The following EMCN variants were observed in gnomAD, a reference collection of about 807,000 sequenced individuals.
EMCN encodes MUC-14.
A neutral mutation model predicts 38.4 loss-of-function variants in EMCN; 37 were observed. That is an observed-to-expected ratio of 0.96 (90% CI 0.74 to 1.27). EMCN has a LOEUF of 1.27. Ranked by LOEUF, EMCN falls within the 50% of genes most tolerant of loss-of-function variation. The pLI is 0.00. For synonymous variants in EMCN, 95 were observed against 100.8 expected (o/e 0.94, Z 0.35); for missense variants, 318 against 302.8 (o/e 1.05, Z -0.37).
chr4:100,448,499 G>A lies in EMCN; in HGVS notation c.377-928C>T, dbSNP rs905227356. On this transcript the variant is annotated intron_variant, in intron 4 of 11. Coordinates refer to ENST00000296420, the MANE Select transcript of EMCN (RefSeq NM_016242.4). ...AGTTGCACAAAACAAAACGTCAGTA[G>A]CCTGTCTTGAGTTGCCTATGTTTCT... is the stretch of plus-strand genomic sequence containing the variant. Among the ~76,000 whole-genome samples, 4 of 152,188 alleles carry A rather than the reference G, an allele frequency of 2.6e-5. No homozygotes were observed. The East Asian group carries it at 7.7e-4, about 29-fold the overall frequency.
At chr4:100,470,936 C>T (rs529190692) in intron 3 of EMCN, among the ~76,000 whole-genome samples, 78 of 151,836 alleles carry the variant, frequency 5.1e-4, no homozygotes, top group Non-Finnish European at 1.0e-3. Context: ...CCAAAATTTA[C>T]GGAATGCAGA....
At chr4:100,485,129 C>T (rs921324173) in intron 1 of EMCN, among the ~76,000 whole-genome samples, 1 of 151,896 alleles carries the variant, frequency 6.6e-6, no homozygotes, top group Non-Finnish European at 1.5e-5. Flanking sequence ...TGTCAAATGC[C>T]CTATTATTAG....
At chr4:100,443,404 G>A (rs1297628341) in intron 5 of EMCN, among the ~76,000 whole-genome samples, 1 of 152,204 alleles carries the variant, frequency 6.6e-6, no homozygotes, top group East Asian at 1.9e-4. Context: ...AGGCACAGTG[G>A]GGTAATCAAT....
intron 3 of EMCN, among the ~76,000 whole-genome samples, chr4:100,470,206 A>G (rs1013014267): frequency 3.3e-5 from 5 of 151,414 alleles, no homozygotes; most frequent in Non-Finnish European, 5.9e-5. Flanking sequence ...AAACAACCCC[A>G]TGCCCAATAA....
intron 5 of EMCN, among the ~76,000 whole-genome samples, chr4:100,438,707 T>C (rs1560614969): frequency 1.3e-5 from 2 of 152,046 alleles, no homozygotes; most frequent in Non-Finnish European, 2.9e-5. Context: ...ATTATAATTG[T>C]AGCTGTGGGT....
At chr4:100,484,859 A>G (rs976018664) in intron 1 of EMCN, among the ~76,000 whole-genome samples, 1 of 152,170 alleles carries the variant, frequency 6.6e-6, no homozygotes, top group Non-Finnish European at 1.5e-5. Flanking sequence ...AGCACCAATT[A>G]GTAAAAAAGT....
chr4:100,403,729 G>C (rs1177644694), intron 11 of EMCN, among the ~76,000 whole-genome samples: 1 of 151,976 alleles, frequency 6.6e-6, no homozygotes, highest in African/African-American at 2.4e-5. Flanking sequence ...AACCTGGCCA[G>C]CATCTGTGAC....
In EMCN at chr4:100,398,198, A is replaced by G. The variant is rs929208571; in HGVS notation, c.*215T>C. The stretch of plus-strand genomic sequence containing the variant: ...GAGTAATGGAATTTTTAAATGTGAG[A>G]GAACAGGAGAGCCCCGGGGTTCTTT... On this transcript the variant is annotated 3_prime_UTR_variant, in exon 12 of 12. Coordinates refer to ENST00000296420, the MANE Select transcript of EMCN (RefSeq NM_016242.4). The G allele has an allele frequency of 6.6e-6, 1 of 152,124 alleles. No individual in the cohort carries two copies. The highest frequency in any genetic ancestry group is 1.5e-5 in the Non-Finnish European group (1 of 68,030). 9.4% of individuals were successfully genotyped at this position (152,124 alleles called of 1,614,324 possible). A position where few individuals can be genotyped will look rare whatever the true frequency, so the allele number is the denominator to read the frequency against.
intron 4 of EMCN, among the ~76,000 whole-genome samples, chr4:100,453,514 A>G (rs889090140): frequency 6.6e-6 from 1 of 152,230 alleles, no homozygotes; most frequent in Non-Finnish European, 1.5e-5. Context: ...TTAAAAAGCC[A>G]GGAAACAACA....
chr4:100,446,814 T>A (rs887465602), intron 5 of EMCN, among the ~76,000 whole-genome samples: 1 of 152,162 alleles, frequency 6.6e-6, no homozygotes, highest in South Asian at 2.1e-4. Flanking sequence ...ATCATCTAGA[T>A]CCCACTTGTA....
intron 1 of EMCN, among the ~76,000 whole-genome samples, chr4:100,493,000 A>G (rs1042606187): frequency 6.6e-5 from 10 of 150,860 alleles, no homozygotes; most frequent in Admixed American, 3.9e-4. Flanking sequence ...ATTAAAACAT[A>G]TAAAAAGTTA....
chr4:100,430,555 A>G (rs773588648), intron 5 of EMCN, among the ~76,000 whole-genome samples: 44 of 152,192 alleles, frequency 2.9e-4, no homozygotes, highest in Non-Finnish European at 5.4e-4. Flanking sequence ...CGTAGAGTTC[A>G]TTGGAGAACC....
At chr4:100,451,619 G>C (rs1727842421) in intron 4 of EMCN, among the ~76,000 whole-genome samples, 1 of 151,920 alleles carries the variant, frequency 6.6e-6, no homozygotes, top group African/African-American at 2.4e-5. Flanking sequence ...TAGATACTTT[G>C]TGTAAAATAG....
chr4:100,511,742 T>A (rs1052596724), intron 1 of EMCN, among the ~76,000 whole-genome samples: 2 of 152,024 alleles, frequency 1.3e-5, no homozygotes, highest in Non-Finnish European at 2.9e-5. Context: ...TACACTACCA[T>A]CTAAACTAAA....
rs1247527456 is a variant in EMCN, at chr4:100,397,908, G to T, written c.*505C>A. On this transcript the variant is annotated 3_prime_UTR_variant, in exon 12 of 12. Coordinates refer to ENST00000296420, the MANE Select transcript of EMCN (RefSeq NM_016242.4). ...ATACTTATATGTACAAAGTAGCATGGTATGATTTCTACCTAATATTTAATA... is the reference window on the plus strand; with the variant it reads ...ATACTTATATGTACAAAGTAGCATGTTATGATTTCTACCTAATATTTAATA... 1 of 151,892 alleles carries T rather than the reference G, an allele frequency of 6.6e-6. No homozygotes were observed. Among genetic ancestry groups the T allele is most frequent in the Non-Finnish European group, 1.5e-5 (1 of 67,980 alleles). The allele number at this position is 151,892 out of a possible 1,614,324, so 9.4% of individuals were successfully genotyped here.
intron 1 of EMCN, among the ~76,000 whole-genome samples, chr4:100,500,441 C>G (rs1202144929): frequency 6.6e-6 from 1 of 151,824 alleles, no homozygotes; most frequent in Non-Finnish European, 1.5e-5. Context: ...TAATCATTAC[C>G]CAGATTAAAA....
intron 5 of EMCN, among the ~76,000 whole-genome samples, chr4:100,437,239 T>G (rs535790882): frequency 1.3e-5 from 2 of 152,322 alleles, no homozygotes; most frequent in Non-Finnish European, 2.9e-5. Flanking sequence ...TCACAAAATG[T>G]CTATTCAGGG....
At chr4:100,465,323 CA>C (rs948025219) in intron 4 of EMCN, 99 bp downstream of exon 4, 2 of 655,022 alleles carry the variant, frequency 3.1e-6, no homozygotes, top group Admixed American at 2.5e-5. Flanking sequence ...ACAATTTAAG[CA>C]GAGCATAATT....
intron 5 of EMCN, among the ~76,000 whole-genome samples, chr4:100,429,284 A>G (rs1179938979): frequency 6.6e-6 from 1 of 152,156 alleles, no homozygotes; most frequent in African/African-American, 2.4e-5. Flanking sequence ...TATAGACAAT[A>G]AGTGCTATGA....
Sources: allele counts gnomAD v4.1 joint callset (sites outside exome capture counted in the v4.1 genomes callset), GRCh38; gene constraint gnomAD v4.1.1; transcripts MANE v1.5; gene names NCBI Gene and HGNC (gene_info 2026-07-23, HGNC 2026-07-21).